The following ROBO2 variants were observed in gnomAD, a reference collection of about 807,000 sequenced individuals.
ROBO2 encodes roundabout homolog 2.
In ROBO2, 53 loss-of-function variants were observed where a neutral mutation model predicts 160.8. The observed-to-expected ratio is 0.33, with a 90% confidence interval of 0.26 to 0.41. The LOEUF is 0.41. Among genes scored for constraint, ROBO2 ranks in the 10% least tolerant of loss-of-function variants. ROBO2 has a pLI of 1.00. For synonymous variants in ROBO2, 664 were observed against 611.7 expected (o/e 1.09, Z -1.26); for missense variants, 1,577 against 1,722.4 (o/e 0.92, Z 1.49).
At chr3:77,595,096 T>C (rs762750194) in intron 17 of ROBO2, 46 bp from the exon 19 acceptor site, 3 of 1,485,852 alleles carry the variant, frequency 2.0e-6, no homozygotes, top group South Asian at 2.3e-5. Flanking sequence ...GTAATTAATA[T>C]TGACTACTTG....
At chr3:76,401,638 A>G (rs1372271105) in intron 2 of ROBO2, among the ~76,000 whole-genome samples, 1 of 151,430 alleles carries the variant, frequency 6.6e-6, no homozygotes, top group Non-Finnish European at 1.5e-5. Flanking sequence ...GCTCCCATAC[A>G]TTACCATATT....
At chr3:76,235,138 G>C (rs1390290) in intron 2 of ROBO2, among the ~76,000 whole-genome samples, 139,575 of 152,218 alleles carry the variant, frequency 0.92, 64,145 homozygotes, top group Middle Eastern at 0.98. Flanking sequence ...CCTCACAGTA[G>C]TTGTGAATGT....
chr3:76,896,049 A>G (rs1301327876), intron 2 of ROBO2, among the ~76,000 whole-genome samples: 1 of 152,132 alleles, frequency 6.6e-6, no homozygotes, highest in Admixed American at 6.5e-5. Context: ...CTTTACTTGC[A>G]ATATTACTGC....
intron 2 of ROBO2, among the ~76,000 whole-genome samples, chr3:76,404,540 G>A (rs1576986194): frequency 6.6e-6 from 1 of 151,612 alleles, no homozygotes; most frequent in South Asian, 2.1e-4. Flanking sequence ...TGCTAACTAA[G>A]AGGCATAGTC....
chr3:77,445,060 T>C (rs2080328854), intron 2 of ROBO2, among the ~76,000 whole-genome samples: 1 of 152,102 alleles, frequency 6.6e-6, no homozygotes. Context: ...GCCACATCCG[T>C]TTGGTGACGT....
At chr3:76,018,960 G>T (rs2066484573) in intron 2 of ROBO2, among the ~76,000 whole-genome samples, 1 of 150,964 alleles carries the variant, frequency 6.6e-6, no homozygotes, top group Admixed American at 6.6e-5. Context: ...CTTCAAATTG[G>T]CTAATATTTG....
rs138454417 is a variant in ROBO2, at chr3:76,801,069, A to G, written c.110-296945A>G. On this transcript the variant is annotated intron_variant, in intron 2 of 26. Transcript: ENST00000487694. The stretch of plus-strand genomic sequence containing the variant: ...ATACACAATGGAGTGCTATTCAGCC[A>G]TGAAAAAGAATGAGATCCTGTCATT... 3.6e-3 allele frequency among the ~76,000 whole-genome samples: 548 copies of G among 152,368 alleles called. 4 individuals are homozygous for G. Among genetic ancestry groups the G allele is most frequent in the African/African-American group, 0.013 (522 of 41,592 alleles).
chr3:77,077,863 T>A (rs4432692), intron 1 of ROBO2, among the ~76,000 whole-genome samples: 37,964 of 152,058 alleles, frequency 0.25, 5,483 homozygotes, highest in East Asian at 0.67. Context: ...TGCCAGTTTC[T>A]GTCTCTGCTT....
At chr3:76,970,799 A>G (rs1199984640) in intron 2 of ROBO2, among the ~76,000 whole-genome samples, 1 of 152,230 alleles carries the variant, frequency 6.6e-6, no homozygotes, top group African/African-American at 2.4e-5. Context: ...TTCATCATAT[A>G]TTAACACTTA....
At chr3:76,523,038 A>AG (rs1225089577) in intron 2 of ROBO2, among the ~76,000 whole-genome samples, 1 of 148,286 alleles carries the variant, frequency 6.7e-6, no homozygotes, top group Non-Finnish European at 1.5e-5. Flanking sequence ...ATATGTATAT[A>AG]TTATATATAT....
chr3:76,789,523 T>C (rs2063210958), intron 2 of ROBO2, among the ~76,000 whole-genome samples: 1 of 151,670 alleles, frequency 6.6e-6, no homozygotes, highest in Non-Finnish European at 1.5e-5. Context: ...TTCCTTAACC[T>C]TCAATTCAGT....
At chr3:76,655,167 G>A (rs959837016) in intron 2 of ROBO2, among the ~76,000 whole-genome samples, 1 of 149,892 alleles carries the variant, frequency 6.7e-6, no homozygotes, top group Admixed American at 6.7e-5. Flanking sequence ...ATTCGCAGGG[G>A]TGGAATTGCT....
chr3:77,478,421 A>C (rs2153586364), intron 3 of ROBO2, among the ~76,000 whole-genome samples: 1 of 152,354 alleles, frequency 6.6e-6, no homozygotes, highest in South Asian at 2.1e-4. Flanking sequence ...TGCATGTAGA[A>C]AAATAACTGT....
chr3:77,189,212 TG>T (rs1490008438), intron 2 of ROBO2, among the ~76,000 whole-genome samples: 1 of 151,860 alleles, frequency 6.6e-6, no homozygotes, highest in Non-Finnish European at 1.5e-5. Flanking sequence ...AAATGATTAT[TG>T]TACTACTTTG....
At chr3:77,329,895 T>C (rs568802489) in intron 2 of ROBO2, among the ~76,000 whole-genome samples, 1 of 152,260 alleles carries the variant, frequency 6.6e-6, no homozygotes, top group Non-Finnish European at 1.5e-5. Flanking sequence ...GCACAGATTA[T>C]CTCATTTAGT....
chr3:77,097,496 T>C (rs1378570993), intron 1 of ROBO2, among the ~76,000 whole-genome samples: 45 of 152,148 alleles, frequency 3.0e-4, no homozygotes, highest in Non-Finnish European at 4.4e-5. Flanking sequence ...CATCTACATT[T>C]CTGGGCAACT....
chr3:77,519,595 T>G (rs1034531238), intron 5 of ROBO2, among the ~76,000 whole-genome samples: 5 of 151,272 alleles, frequency 3.3e-5, no homozygotes, highest in East Asian at 1.9e-4. Flanking sequence ...CACTTATAAG[T>G]GAGAACATGA....
rs149513128 is a variant in ROBO2 at position 77,486,002 on chromosome 3, G to C, written c.667+4783G>C. On this transcript the variant is annotated intron_variant, in intron 4 of 25. Coordinates refer to ENST00000461745, the Ensembl canonical transcript of ROBO2. ...TGTGTTCATATGTTACCATTGTTCA[G>C]CTCCCACTTATAAGTAAGAACACGC... Among the ~76,000 whole-genome samples the C allele has an allele frequency of 2.5e-3, 386 of 152,174 alleles. 3 individuals are homozygous for C. The highest frequency in any genetic ancestry group is 8.5e-3 in the African/African-American group (352 of 41,544).
intron 1 of ROBO2, among the ~76,000 whole-genome samples, chr3:75,935,057 G>A (rs1947710483): frequency 6.6e-6 from 1 of 152,064 alleles, no homozygotes. Context: ...GGCCAGGCAC[G>A]GTGGCTCGTG....
Sources: allele counts gnomAD v4.1 joint callset (sites outside exome capture counted in the v4.1 genomes callset), GRCh38; gene constraint gnomAD v4.1.1; transcripts MANE v1.5; gene names NCBI Gene and HGNC (gene_info 2026-07-23, HGNC 2026-07-21).